Variants in ASTN2 observed in about 807,000 individuals in gnomAD.
ASTN2 encodes astrotactin-2.
A neutral mutation model predicts 139.8 loss-of-function variants in ASTN2; 54 were observed. That is an observed-to-expected ratio of 0.39 (90% CI 0.31 to 0.48). The LOEUF (loss-of-function observed/expected upper bound fraction) is 0.48, where lower values mean the gene tolerates loss of function less well. Ranked by LOEUF, ASTN2 falls within the 20% of genes least tolerant of loss-of-function variation. The probability of loss-of-function intolerance (pLI) is 0.95; values close to 1 mark genes in which losing one functional copy is unlikely to be tolerated. For synonymous variants in ASTN2, 756 were observed against 719.5 expected, an observed-to-expected ratio of 1.05 and a Z score of -0.81; for missense variants, 1,565 against 1,725.1, an observed-to-expected ratio of 0.91 and a Z score of 1.64.
At chr9:116,974,739 C>T (rs1836298723) in intron 10 of ASTN2, among the ~76,000 whole-genome samples, 1 of 152,090 alleles carries the variant, frequency 6.6e-6, no homozygotes, top group Admixed American at 6.6e-5. Flanking sequence ...GAACTCCTGA[C>T]CTCAGGTGAA....
intron 13 of ASTN2, among the ~76,000 whole-genome samples, chr9:116,787,469 G>A (rs542458715): frequency 6.6e-6 from 1 of 152,296 alleles, no homozygotes; most frequent in Non-Finnish European, 1.5e-5. Flanking sequence ...CTTAGTCTTT[G>A]TGGAAGGGTG....
At chr9:116,427,644 G>A (rs184960670) in intron 22 of ASTN2, among the ~76,000 whole-genome samples, 11 of 152,372 alleles carry the variant, frequency 7.2e-5, no homozygotes, top group Admixed American at 2.6e-4. Context: ...ACTGTGTTAG[G>A]CACCTGCATA....
chr9:117,180,642 TTTG>T, intron 3 of ASTN2: 2 of 1,407,170 alleles, frequency 1.4e-6, no homozygotes, highest in Admixed American at 2.0e-5. Context: ...TTTTTTTTTT[TTTG>T]GACAGGAAGT....
At chr9:116,482,341 A>G (rs1484958599) in intron 20 of ASTN2, among the ~76,000 whole-genome samples, 1 of 152,100 alleles carries the variant, frequency 6.6e-6, no homozygotes, top group African/African-American at 2.4e-5. Context: ...AAAACAAAAC[A>G]AAACAAAAAA....
At chr9:116,727,438 C>G (rs528658982) in intron 15 of ASTN2, among the ~76,000 whole-genome samples, 9 of 152,122 alleles carry the variant, frequency 5.9e-5, no homozygotes, top group African/African-American at 2.2e-4. Context: ...CCGGGAGCAT[C>G]ATTATTGATT....
At chr9:117,142,783 G>T (rs1245759104) in intron 3 of ASTN2, among the ~76,000 whole-genome samples, 2 of 152,178 alleles carry the variant, frequency 1.3e-5, no homozygotes, top group African/African-American at 4.8e-5. Flanking sequence ...AAAAATTGCT[G>T]AATAGCCTCA....
At chr9:116,439,222 A>T (rs1588058822) in intron 22 of ASTN2, among the ~76,000 whole-genome samples, 1 of 50,776 alleles carries the variant, frequency 2.0e-5, no homozygotes, top group Admixed American at 3.8e-4. Flanking sequence ...TTTTTTTGAG[A>T]CGGAGTCTCG....
chr9:116,471,152 T>C (rs1363871017), intron 20 of ASTN2, among the ~76,000 whole-genome samples: 1 of 152,172 alleles, frequency 6.6e-6, no homozygotes, highest in Admixed American at 6.5e-5. Context: ...CTTCCCCCTG[T>C]TACAGGCTAT....
chr9:116,571,321 G>A (rs1853502905), intron 19 of ASTN2, among the ~76,000 whole-genome samples: 1 of 152,200 alleles, frequency 6.6e-6, no homozygotes, highest in Non-Finnish European at 1.5e-5. Context: ...ACCAAGCTGA[G>A]CACTCAATCT....
At chr9:117,178,470 G>A (rs536049765) in intron 3 of ASTN2, among the ~76,000 whole-genome samples, 1 of 152,318 alleles carries the variant, frequency 6.6e-6, no homozygotes, top group South Asian at 2.1e-4. Context: ...TCACCCTCAA[G>A]CACTTAAGGA....
intron 13 of ASTN2, among the ~76,000 whole-genome samples, chr9:116,738,074 C>T (rs1413312265): frequency 1.3e-5 from 2 of 151,674 alleles, no homozygotes; most frequent in Admixed American, 1.3e-4. Context: ...CGCCTGTAGT[C>T]CCAGCTACTC....
intron 3 of ASTN2, among the ~76,000 whole-genome samples, chr9:117,147,652 C>T (rs1353355585): frequency 1.3e-5 from 2 of 152,092 alleles, no homozygotes; most frequent in Admixed American, 1.3e-4. Flanking sequence ...AGGTAGGGAG[C>T]CTGGTATTTC....
intron 3 of ASTN2, among the ~76,000 whole-genome samples, chr9:117,191,387 G>A (rs1047811949): frequency 2.0e-5 from 3 of 151,956 alleles, no homozygotes; most frequent in Non-Finnish European, 2.9e-5. Flanking sequence ...ATATAAAAGG[G>A]AAAAGACAGA....
intron 3 of ASTN2, among the ~76,000 whole-genome samples, chr9:117,181,620 C>A (rs1831069146): frequency 6.6e-6 from 1 of 152,124 alleles, no homozygotes; most frequent in Non-Finnish European, 1.5e-5. Context: ...AGACCCAGGT[C>A]CCAATTGTAG....
chr9:117,377,538 T>G (rs1279909668), intron 1 of ASTN2, among the ~76,000 whole-genome samples: 1 of 152,152 alleles, frequency 6.6e-6, no homozygotes, highest in African/African-American at 2.4e-5. Context: ...GGATCGCTTT[T>G]TAAGAGGGCA....
chr9:117,323,072 C>A (rs1828385602), intron 1 of ASTN2, among the ~76,000 whole-genome samples: 1 of 151,982 alleles, frequency 6.6e-6, no homozygotes, highest in African/African-American at 2.4e-5. Flanking sequence ...TAGTTTTAGC[C>A]CTGATGTTAG....
chr9:116,959,571 T>C (rs1835820751), intron 10 of ASTN2, among the ~76,000 whole-genome samples: 1 of 152,072 alleles, frequency 6.6e-6, no homozygotes, highest in Non-Finnish European at 1.5e-5. Flanking sequence ...AAGGAGCCTG[T>C]TTGCTAAAGG....
chr9:116,697,643 G>T, intron 16 of ASTN2: 1 of 1,432,452 alleles, frequency 7.0e-7, no homozygotes, highest in East Asian at 2.3e-5. Context: ...AATGAATAAT[G>T]GTTTCTTTTT....
intron 10 of ASTN2, among the ~76,000 whole-genome samples, chr9:116,876,988 G>A (rs1833320532): frequency 6.6e-6 from 1 of 152,182 alleles, no homozygotes; most frequent in South Asian, 2.1e-4. Flanking sequence ...TCCCTCTGGG[G>A]CTTACAGTTG....
Sources: allele counts gnomAD v4.1 joint callset (sites outside exome capture counted in the v4.1 genomes callset), GRCh38; gene constraint gnomAD v4.1.1; transcripts MANE v1.5; gene names NCBI Gene and HGNC (gene_info 2026-07-23, HGNC 2026-07-21).